CA9: variants seen among roughly 807,000 people sequenced by gnomAD.
CA9 encodes CA-IX.
CA9 carries 43 observed loss-of-function variants against 51.8 expected under a neutral mutation model. The observed-to-expected ratio is 0.83, with a 90% confidence interval of 0.65 to 1.07. The LOEUF (loss-of-function observed/expected upper bound fraction) is 1.07, where lower values mean the gene tolerates loss of function less well. CA9 is among the 50% of genes least tolerant of loss of function. The probability of loss-of-function intolerance (pLI) is 0.00; values close to 1 mark genes in which losing one functional copy is unlikely to be tolerated. For synonymous variants in CA9, 253 were observed against 244.2 expected (o/e 1.04, Z -0.34); for missense variants, 574 against 581.4 (o/e 0.99, Z 0.13).
At position 35,676,159 on chromosome 9, in the gene CA9, C is replaced by T; in HGVS notation, c.700C>T (p.Arg234Cys). ...GCATCTGCACTGGGGGGCTGCAGGT[C>T]GTCCGGGCTCGGAGCACACTGTGGA... ...QLHLHWGAAG[R>C]PGSEHTVEGH... The change falls in exon 4 of 11, where the codon CGT becomes TGT. Residue 234 changes from arginine to cysteine, a missense_variant. By Grantham distance (180) the Arg-to-Cys change is radical (BLOSUM62 -3). Transcript: ENST00000378357. 1 of 1,612,358 alleles carries T rather than the reference C, an allele frequency of 6.2e-7. No individual in the cohort carries two copies. The highest frequency in any genetic ancestry group is 8.5e-7 in the Non-Finnish European group (1 of 1,179,202).
intron 3 of CA9, 56 bp from the exon 4 acceptor site, chr9:35,676,008 G>A (rs1037191635): frequency 3.5e-5 from 56 of 1,604,708 alleles, no homozygotes; most frequent in East Asian, 8.9e-5. Flanking sequence ...GTGCCTGCCC[G>A]GGGGTTGGGC....
chr9:35,680,390 T>C (rs1824519857), intron 9 of CA9, among the ~76,000 whole-genome samples: 1 of 151,722 alleles, frequency 6.6e-6, no homozygotes, highest in Admixed American at 6.6e-5. Context: ...AAAGATAGGG[T>C]CTCACTCTGT....
intron 9 of CA9, among the ~76,000 whole-genome samples, chr9:35,680,467 A>T (rs554696762): frequency 3.3e-5 from 5 of 152,286 alleles, no homozygotes; most frequent in African/African-American, 1.2e-4. Context: ...GGCTCAGGCA[A>T]TCCTTTCACC....
In CA9 at chr9:35,680,741, T is replaced by C; in HGVS notation, c.1238-12T>C. ...TCCTTCCCAAAGCAGCCCTCTCTGC[T>C]CTCCATCGCAGGTGACATCCTAGCC... On this transcript the variant is annotated splice_polypyrimidine_tract_variant and intron_variant, in intron 9 of 10. Transcript: ENST00000378357. The C allele has an allele frequency of 2.5e-6, 4 of 1,613,324 alleles. No homozygotes were observed. Among genetic ancestry groups the C allele is most frequent in the Non-Finnish European group, 3.4e-6 (4 of 1,179,328 alleles).
rs996932428 is a variant in CA9, at chr9:35,679,487, A to G, written c.1065+145A>G. On this transcript the variant is annotated intron_variant, in intron 7 of 10. Transcript: ENST00000378357. ...CCACGTTGGGAGGCTGAGGTGGGAG[A>G]ATGGTTTGAGCCCAGGAGTTCAAGA... is the stretch of plus-strand genomic sequence containing the variant. 8.4e-6 allele frequency: 9 copies of G among 1,077,430 alleles called. No homozygotes were observed. The African/African-American group carries it at 1.4e-4, about 17-fold the overall frequency. 66.7% of individuals were successfully genotyped at this position (1,077,430 alleles called of 1,614,324 possible).
At chr9:35,680,685 G>A (rs1824529863) in intron 9 of CA9, 68 bp from the exon 10 acceptor site, 12 of 1,297,130 alleles carry the variant, frequency 9.3e-6, no homozygotes, top group Non-Finnish European at 1.3e-5. Flanking sequence ...GTGCACTGAG[G>A]CAGGTGTTGA....
rs1824406919 is a variant in CA9 at position 35,675,841 on chromosome 9, G to A, written c.514G>A (p.Ala172Thr). The A allele has an allele frequency of 6.2e-7, 1 of 1,604,268 alleles. No individual in the cohort carries two copies. The highest frequency in any genetic ancestry group is 2.2e-5 in the East Asian group (1 of 44,840). ...SPVDIRPQLA[A>T]FCPALRPLEL... ...GGTGGATATCCGCCCCCAGCTCGCC[G>A]CCTTCTGCCCGGCCCTGCGCCCCCT... The change falls in exon 3 of 11, where the codon GCC (alanine) becomes ACC (threonine). Residue 172 changes from alanine to threonine, a missense_variant. Ala to Thr is a moderately conservative substitution (Grantham distance 58). Transcript: ENST00000378357.
chr9:35,676,586 G>A (rs1177923520), intron 5 of CA9, among the ~76,000 whole-genome samples, 197 bp downstream of exon 5: 1 of 152,194 alleles, frequency 6.6e-6, no homozygotes, highest in Admixed American at 6.5e-5. Flanking sequence ...GAAGCTGTAG[G>A]TCCTTGCCTC....
intron 1 of CA9, chr9:35,674,632 G>C: frequency 5.3e-6 from 2 of 376,740 alleles, no homozygotes; most frequent in South Asian, 5.7e-5. Flanking sequence ...AAAGGGATGA[G>C]AACTGCAGAT....
chr9:35,676,091 A>G lies in CA9; in HGVS notation c.632A>G (p.Glu211Gly). ...CAACTGACCCTGCCTCCTGGGCTAG[A>G]GATGGCTCTGGGTCCCGGGCGGGAG... ...SVQLTLPPGL[E>G]MALGPGREYR... Residue 211 changes from glutamate (E) to glycine (G), a missense_variant, in exon 4 of 11, where the codon GAG (glutamate) becomes GGG (glycine). Physicochemically the swap from Glu to Gly is moderately conservative, Grantham distance 98. Coordinates refer to ENST00000378357, the MANE Select transcript of CA9 (RefSeq NM_001216.3). 6.2e-7 allele frequency: 1 copy of G among 1,613,096 alleles called. No homozygotes were observed. The highest frequency in any genetic ancestry group is 8.5e-7 in the Non-Finnish European group (1 of 1,179,702).
chr9:35,676,368 C>A lies in CA9; in HGVS notation c.819C>A (p.Ala273=), dbSNP rs774128742. The A allele has an allele frequency of 1.2e-6, 2 of 1,613,724 alleles. No individual in the cohort carries two copies. Among genetic ancestry groups the A allele is most frequent in the Admixed American group, 1.7e-5 (1 of 59,988 alleles). ...DEALGRPGGL[A]VLAAFLEEGP... ...CCTTGGGGCGCCCGGGAGGCCTGGCCGTGTTGGCCGCCTTTCTGGAGGTAC... is the reference window on the plus strand; with the variant it reads ...CCTTGGGGCGCCCGGGAGGCCTGGCAGTGTTGGCCGCCTTTCTGGAGGTAC... Residue 273 remains alanine (A), a synonymous_variant, in exon 5 of 11, where the codon GCC becomes GCA. Coordinates refer to ENST00000378357, the MANE Select transcript of CA9 (RefSeq NM_001216.3).
At position 35,674,210 on chromosome 9, in the gene CA9, CT is replaced by C. The variant is rs1824374079; in HGVS notation, c.252del (p.Gly85GlufsTer24). ...GATCCACCCGGAGAGGAGGATCTACCTGGAGAGGAGGATCTACCTGGAGAGG... is the reference window on the plus strand; with the variant it reads ...GATCCACCCGGAGAGGAGGATCTACCGGAGAGGAGGATCTACCTGGAGAGG... ...EEDPPGEEDL[P>X]GEEDLPGEED... On this transcript the variant is annotated frameshift_variant, in exon 1 of 11. Transcript: ENST00000378357. LOFTEE classifies it high-confidence loss of function. 4.6e-6 allele frequency: 7 copies of C among 1,513,430 alleles called. No homozygotes were observed. In the East Asian group the frequency reaches 2.0e-4, roughly 44 times the overall value. The allele number at this position is 1,513,430 out of a possible 1,614,324, so 93.8% of individuals were successfully genotyped here. A position where few individuals can be genotyped will look rare whatever the true frequency, so the allele number is the denominator to read the frequency against.
rs182397081 is a variant in CA9 at position 35,679,595 on chromosome 9, G to A, written c.1065+253G>A. On this transcript the variant is annotated intron_variant, in intron 7 of 10. Transcript: ENST00000378357. Reference sequence around the variant, plus strand: ...AAAATAGCCGGGCATGGTGGTATGCGCCTAGTCCCAGCTACTCAAGGAGGC... The same window carrying A: ...AAAATAGCCGGGCATGGTGGTATGCACCTAGTCCCAGCTACTCAAGGAGGC... Among the ~76,000 whole-genome samples the A allele has an allele frequency of 7.2e-5, 11 of 152,202 alleles. No individual in the cohort carries two copies. In the South Asian group the frequency reaches 1.0e-3, roughly 14 times the overall value.
At chr9:35,680,166 G>A in intron 9 of CA9, 27 bp downstream of exon 9, 1 of 1,613,968 alleles carries the variant, frequency 6.2e-7, no homozygotes, top group Non-Finnish European at 8.5e-7. Flanking sequence ...TCTTGGTCCT[G>A]ATGCCAGGAG....
intron 6 of CA9, 147 bp downstream of exon 6, chr9:35,678,003 T>A: frequency 1.4e-6 from 1 of 697,000 alleles, no homozygotes; most frequent in Non-Finnish European, 2.5e-6. Flanking sequence ...ATAATAACCA[T>A]GAAGCTGACA....
chr9:35,679,775 T>C (rs1367407011), intron 7 of CA9, 79 bp from the exon 8 acceptor site: 23 of 1,403,030 alleles, frequency 1.6e-5, no homozygotes, highest in Non-Finnish European at 2.1e-5. Context: ...AGCCCTGAGG[T>C]GCTGGTTGTG....
rs777743411 is a variant in CA9, at chr9:35,675,850, C to T, written c.523C>T (p.Pro175Ser). Residue 175 changes from proline to serine, a missense_variant, in exon 3 of 11, where the codon CCG (proline) becomes TCG (serine). By Grantham distance (74) the Pro-to-Ser change is moderately conservative. Coordinates refer to ENST00000378357, the MANE Select transcript of CA9 (RefSeq NM_001216.3). ...DIRPQLAAFC[P>S]ALRPLELLGF... Reference sequence around the variant, plus strand: ...CCGCCCCCAGCTCGCCGCCTTCTGCCCGGCCCTGCGCCCCCTGGAACTCCT... The same window carrying T: ...CCGCCCCCAGCTCGCCGCCTTCTGCTCGGCCCTGCGCCCCCTGGAACTCCT... 8 of 1,605,226 alleles carry T rather than the reference C, an allele frequency of 5.0e-6. No individual in the cohort carries two copies. In the South Asian group the frequency reaches 5.5e-5, roughly 11 times the overall value.
chr9:35,678,695 C>CTTT (rs746454806), intron 6 of CA9, among the ~76,000 whole-genome samples: 13,370 of 127,674 alleles, frequency 0.1, 687 homozygotes, highest in Non-Finnish European at 0.14. Context: ...TTTTTCTTTT[C>CTTT]TTTTCTTTTT....
chr9:35,674,019 C>A lies in CA9; in HGVS notation c.60C>A (p.Gly20=). 1 of 1,613,978 alleles carries A rather than the reference C, an allele frequency of 6.2e-7. No individual in the cohort carries two copies. Among genetic ancestry groups the A allele is most frequent in the Non-Finnish European group, 8.5e-7 (1 of 1,179,894 alleles). ...TGTTGATCCCGGCCCCTGCTCCAGG[C>A]CTCACTGTGCAACTGCTGCTGTCAC... ...LPLLIPAPAP[G]LTVQLLLSLL... The change falls in exon 1 of 11, where the codon GGC becomes GGA. Residue 20 remains glycine (G), a synonymous_variant. Transcript: ENST00000378357.
Sources: allele counts gnomAD v4.1 joint callset (sites outside exome capture counted in the v4.1 genomes callset), GRCh38; gene constraint gnomAD v4.1.1; transcripts MANE v1.5; gene names NCBI Gene and HGNC (gene_info 2026-07-23, HGNC 2026-07-21).